The following WDR91 variants were observed in gnomAD, a reference collection of about 807,000 sequenced individuals.
The protein encoded by WDR91 is WD repeat-containing protein 91.
In WDR91, 52 loss-of-function variants were observed where a neutral mutation model predicts 88.4. The observed-to-expected ratio is 0.59, with a 90% CI of 0.47 to 0.74. The LOEUF (loss-of-function observed/expected upper bound fraction) is 0.74, where lower values mean the gene tolerates loss of function less well. Ranked by LOEUF, WDR91 falls within the 30% of genes least tolerant of loss-of-function variation. WDR91 has a pLI of 0.00. For synonymous variants in WDR91, 362 were observed against 389.5 expected (o/e 0.93, Z 0.83); for missense variants, 824 against 954.5 (o/e 0.86, Z 1.80).
rs550353461 is a variant in WDR91, at chr7:135,184,084, G to A, written c.*2067C>T. Reference sequence around the variant, plus strand: ...AATGTCCTACAGAATCACTGGGTGAGATAAGTAAGATCACTGTTTCAATAC... The same window carrying A: ...AATGTCCTACAGAATCACTGGGTGAAATAAGTAAGATCACTGTTTCAATAC... On this transcript the variant is annotated 3_prime_UTR_variant, in exon 15 of 15. Transcript: ENST00000354475. The A allele has an allele frequency of 6.6e-6, 1 of 152,278 alleles. No homozygotes were observed. The highest frequency in any genetic ancestry group is 1.9e-4 in the East Asian group (1 of 5,182). The allele number at this position is 152,278 out of a possible 1,614,324, so 9.4% of individuals were successfully genotyped here.
chr7:135,205,188 C>T (rs757814363), intron 5 of WDR91, among the ~76,000 whole-genome samples: 1 of 152,226 alleles, frequency 6.6e-6, no homozygotes, highest in Non-Finnish European at 1.5e-5. Context: ...CTCTAATCTG[C>T]CTTCCTCTTT....
At chr7:135,195,354 G>C (rs1831322976) in intron 8 of WDR91, among the ~76,000 whole-genome samples, 1 of 152,234 alleles carries the variant, frequency 6.6e-6, no homozygotes, top group Non-Finnish European at 1.5e-5. Flanking sequence ...GCCCTGCCCT[G>C]AGGCCATTTG....
intron 1 of WDR91, among the ~76,000 whole-genome samples, chr7:135,210,292 G>A (rs1831965812): frequency 6.6e-6 from 1 of 152,232 alleles, no homozygotes; most frequent in Non-Finnish European, 1.5e-5. Context: ...AGAGGTTGCA[G>A]TGAGCTGAGA....
chr7:135,204,851 T>C (rs1831704931), intron 5 of WDR91, among the ~76,000 whole-genome samples: 1 of 152,212 alleles, frequency 6.6e-6, no homozygotes, highest in African/African-American at 2.4e-5. Context: ...AATGATGTTT[T>C]GAATATACTA....
intron 6 of WDR91, chr7:135,199,315 A>C (rs1156296816): frequency 2.0e-5 from 3 of 152,236 alleles, no homozygotes; most frequent in African/African-American, 7.2e-5. Context: ...AACTTCAAGT[A>C]CTTCCGTGAA....
chr7:135,206,166 C>T (rs1417095163), intron 4 of WDR91, 108 bp from the exon 5 acceptor site: 29 of 1,425,764 alleles, frequency 2.0e-5, no homozygotes, highest in Admixed American at 3.4e-5. Context: ...GAGTGCCACT[C>T]GCCTCAGCGT....
At chr7:135,206,089 G>T (rs1219887988) in intron 4 of WDR91, 31 bp from the exon 5 acceptor site, 1 of 1,613,948 alleles carries the variant, frequency 6.2e-7, no homozygotes, top group Non-Finnish European at 8.5e-7. Context: ...GTTAGCCAAT[G>T]ATCTCACCTA....
chr7:135,208,702 A>G (rs1015076268), intron 3 of WDR91, 89 bp downstream of exon 3: 1 of 1,234,310 alleles, frequency 8.1e-7, no homozygotes, highest in Non-Finnish European at 1.1e-6. Context: ...TTTGTAGAAG[A>G]AATGCCTGTA....
intron 9 of WDR91, 32 bp downstream of exon 9, chr7:135,194,902 C>G (rs1831304675): frequency 1.5e-5 from 24 of 1,610,874 alleles, no homozygotes; most frequent in Non-Finnish European, 2.0e-5. Flanking sequence ...ACTGAGCCAG[C>G]AAAGCGGGCC....
Position 135,209,757 on chromosome 7 carries a change from TG to T in WDR91, c.124-3del. ...CAGCTGGTCCACAATCTTATCCACCTGGCGAGAAACATGGATGGAGAAGGTG... is the reference window on the plus strand; with the variant it reads ...CAGCTGGTCCACAATCTTATCCACCTGCGAGAAACATGGATGGAGAAGGTG... On this transcript the variant is annotated splice_polypyrimidine_tract_variant and splice_region_variant and intron_variant, in intron 1 of 14. Transcript: ENST00000354475. 12 of 1,582,702 alleles carry T rather than the reference TG, an allele frequency of 7.6e-6. No individual in the cohort carries two copies. The highest frequency in any genetic ancestry group is 1.0e-5 in the Non-Finnish European group (12 of 1,161,856).
chr7:135,190,576 T>C (rs1800884576), intron 11 of WDR91, among the ~76,000 whole-genome samples: 1 of 151,844 alleles, frequency 6.6e-6, no homozygotes, highest in South Asian at 2.1e-4. Context: ...ATTAGATTTA[T>C]AATGAGAACA....
chr7:135,201,216 G>A (rs1233733369), intron 6 of WDR91, among the ~76,000 whole-genome samples: 2 of 152,152 alleles, frequency 1.3e-5, no homozygotes, highest in Non-Finnish European at 2.9e-5. Flanking sequence ...CTTGCTGGTG[G>A]GAAGGATGGA....
chr7:135,209,487 A>G (rs2117731223), intron 2 of WDR91, 89 bp downstream of exon 2: 1 of 1,318,948 alleles, frequency 7.6e-7, no homozygotes, highest in East Asian at 2.5e-5. Flanking sequence ...TCACATACAG[A>G]TTCCTCCCTA....
rs540252690 is a variant in WDR91 at position 135,187,188 on chromosome 7, A to G, written c.1882-19T>C. 21 of 1,613,584 alleles carry G rather than the reference A, an allele frequency of 1.3e-5. 1 individual carries two copies. The South Asian group carries it at 1.6e-4, about 13-fold the overall frequency. On this transcript the variant is annotated intron_variant, in intron 13 of 14. Transcript: ENST00000354475. The stretch of plus-strand genomic sequence containing the variant: ...GGATGAACTGCAGTCACAGGGCACA[A>G]GCAGGGTGCTCGCAGCGGAGCTGGC...
Position 135,187,023 on chromosome 7 carries a change from C to T in WDR91, c.2028G>A (p.Ser676=), listed in dbSNP as rs292557. The change falls in exon 14 of 15, where the codon TCG becomes TCA. Residue 676 remains serine (S), a synonymous_variant. Coordinates refer to ENST00000354475, the MANE Select transcript of WDR91 (RefSeq NM_014149.4). ...AACATGTCAGCATGTAATTTCCCTC[C>T]GAGTCAAAAGCGAAGAGTCGGCCCC... ...VPRGRLFAFD[S]EGNYMLTCSA... 0.73 allele frequency: 1,184,174 copies of T among 1,614,016 alleles called. 436,979 individuals are homozygous for T. Among genetic ancestry groups the T allele is most frequent in the Admixed American group, 0.85 (51,122 of 60,018 alleles).
intron 6 of WDR91, 152 bp downstream of exon 6, chr7:135,204,116 A>G: frequency 1.2e-6 from 1 of 854,196 alleles, no homozygotes; most frequent in Non-Finnish European, 1.7e-6. Flanking sequence ...AAGAAAGGGA[A>G]TGAGATTTCA....
rs573973371 is a variant in WDR91, at chr7:135,209,648, C to A, written c.231G>T (p.Glu77Asp). The A allele has an allele frequency of 1.9e-6, 3 of 1,613,514 alleles. No individual in the cohort carries two copies. In the South Asian group the frequency reaches 3.3e-5, roughly 18 times the overall value. ...TGTGGATTGTGGGTCTGTATATATC[C>A]TCCAAGCGGCTGAAGAGCCGACGCT... is the stretch of plus-strand genomic sequence containing the variant. ...YLERRLFSRLEDIYRPTIHKL... is the reference protein window; with the variant it reads ...YLERRLFSRLDDIYRPTIHKL... The change falls in exon 2 of 15, where the codon GAG (glutamate) becomes GAT (aspartate). Residue 77 changes from glutamate (E) to aspartate (D), a missense_variant. Transcript: ENST00000354475.
rs142039334 is a variant in WDR91, at chr7:135,188,438, C to T, written c.1876G>A (p.Gly626Arg). Residue 626 changes from glycine (G) to arginine (R), a missense_variant, in exon 13 of 15, where the codon GGG (glycine) becomes AGG (arginine). Coordinates refer to ENST00000354475, the MANE Select transcript of WDR91 (RefSeq NM_014149.4). ...TGAATCCTGCAGCCGCCTACCTTCCCGTCCTCGCCGATGCTGTACACGGTG... is the reference window on the plus strand; with the variant it reads ...TGAATCCTGCAGCCGCCTACCTTCCTGTCCTCGCCGATGCTGTACACGGTG... The part of the protein sequence containing the change: ...ENTVYSIGED[G>R]KFIQWNIHKS... 33 of 1,613,776 alleles carry T rather than the reference C, an allele frequency of 2.0e-5. No individual in the cohort carries two copies. Among genetic ancestry groups the T allele is most frequent in the African/African-American group, 2.7e-5 (2 of 74,928 alleles).
chr7:135,186,568 T>C (rs1263825069), intron 14 of WDR91, among the ~76,000 whole-genome samples: 1 of 152,266 alleles, frequency 6.6e-6, no homozygotes, highest in Non-Finnish European at 1.5e-5. Flanking sequence ...TTGAACTTGC[T>C]GTGGGCTGGT....
Sources: gnomAD v4.1 joint callset for allele counts (sites outside exome capture counted in the v4.1 genomes callset) on GRCh38, gnomAD v4.1.1 for gene constraint, MANE v1.5 for transcripts, NCBI Gene and HGNC (gene_info 2026-07-23, HGNC 2026-07-21) for gene names.